The following CLSTN2 variants were observed in gnomAD, a reference collection of about 807,000 sequenced individuals.
CLSTN2 encodes calsyntenin-2.
CLSTN2 carries 48 observed loss-of-function variants against 101.2 expected under a neutral mutation model. That is an observed-to-expected ratio of 0.47 (90% CI 0.38 to 0.60). CLSTN2 has a LOEUF of 0.60. CLSTN2 is among the 20% of genes least tolerant of loss of function. The pLI is 0.00. For synonymous variants in CLSTN2, 481 were observed against 463.6 expected, an observed-to-expected ratio of 1.04 and a Z score of -0.48; for missense variants, 1,160 against 1,238.2, an observed-to-expected ratio of 0.94 and a Z score of 0.95.
At chr3:140,054,909 A>G (rs1238569208) in intron 1 of CLSTN2, among the ~76,000 whole-genome samples, 2 of 152,184 alleles carry the variant, frequency 1.3e-5, no homozygotes, top group African/African-American at 4.8e-5. Context: ...CATTTTGGTA[A>G]TGGGGACAAG....
chr3:140,305,105 ACT>A (rs978434906), intron 2 of CLSTN2, among the ~76,000 whole-genome samples: 2 of 148,788 alleles, frequency 1.3e-5, no homozygotes, highest in African/African-American at 2.5e-5. Flanking sequence ...CTATGGTGAT[ACT>A]CTCTCTCTTC....
intron 1 of CLSTN2, among the ~76,000 whole-genome samples, chr3:140,021,031 A>G (rs1158539592): frequency 6.6e-6 from 1 of 152,188 alleles, no homozygotes; most frequent in Non-Finnish European, 1.5e-5. Context: ...TTTATTTAGA[A>G]ACAAAACAAA....
At chr3:140,292,224 A>C (rs2086961247) in intron 2 of CLSTN2, among the ~76,000 whole-genome samples, 1 of 152,056 alleles carries the variant, frequency 6.6e-6, no homozygotes, top group African/African-American at 2.4e-5. Context: ...TTCCTCCAAC[A>C]GGCTGGATCC....
At chr3:139,970,705 T>C (rs917398882) in intron 1 of CLSTN2, among the ~76,000 whole-genome samples, 1 of 152,204 alleles carries the variant, frequency 6.6e-6, no homozygotes, top group South Asian at 2.1e-4. Context: ...CCACCTGAGA[T>C]TGCCTCCTGC....
intron 1 of CLSTN2, among the ~76,000 whole-genome samples, chr3:140,020,972 A>T (rs1033091420): frequency 6.6e-6 from 1 of 152,132 alleles, no homozygotes; most frequent in Admixed American, 6.5e-5. Context: ...ACTATAAATG[A>T]CTTAAAAACT....
chr3:140,114,737 A>G (rs1424080648), intron 1 of CLSTN2, among the ~76,000 whole-genome samples: 1 of 152,148 alleles, frequency 6.6e-6, no homozygotes, highest in Non-Finnish European at 1.5e-5. Context: ...TGTCTGACAC[A>G]CAGGGTTCTC....
At chr3:140,044,677 A>G (rs2007832967) in intron 1 of CLSTN2, among the ~76,000 whole-genome samples, 1 of 152,194 alleles carries the variant, frequency 6.6e-6, no homozygotes, top group South Asian at 2.1e-4. Context: ...TGTCATAAAT[A>G]GCTCTTATTA....
At chr3:140,415,806 T>A (rs771886749) in intron 4 of CLSTN2, among the ~76,000 whole-genome samples, 22 of 152,264 alleles carry the variant, frequency 1.4e-4, no homozygotes, top group Admixed American at 2.6e-4. Context: ...CCTCAAAAAA[T>A]TATGAATAGA....
At chr3:140,240,799 G>T (rs945548073) in intron 2 of CLSTN2, among the ~76,000 whole-genome samples, 1 of 152,138 alleles carries the variant, frequency 6.6e-6, no homozygotes, top group Non-Finnish European at 1.5e-5. Flanking sequence ...TTGGGTAAAA[G>T]GTGTTCTGCA....
At chr3:140,364,085 C>A (rs910711281) in intron 2 of CLSTN2, among the ~76,000 whole-genome samples, 37 of 152,174 alleles carry the variant, frequency 2.4e-4, no homozygotes, top group African/African-American at 8.7e-4. Flanking sequence ...TTCTAAGTCC[C>A]GATTCTAGAC....
At chr3:140,548,473 A>G (rs1294217612) in intron 10 of CLSTN2, among the ~76,000 whole-genome samples, 1 of 152,214 alleles carries the variant, frequency 6.6e-6, no homozygotes, top group Non-Finnish European at 1.5e-5. Context: ...CCAGAGATCC[A>G]GAACCTTGGA....
intron 1 of CLSTN2, among the ~76,000 whole-genome samples, chr3:140,112,717 A>G (rs1178903861): frequency 1.3e-5 from 2 of 152,160 alleles, no homozygotes; most frequent in Non-Finnish European, 2.9e-5. Flanking sequence ...CTGAGACTGC[A>G]CGTCTGACCT....
intron 2 of CLSTN2, among the ~76,000 whole-genome samples, chr3:140,336,568 T>TGG: frequency 6.6e-6 from 1 of 152,176 alleles, no homozygotes; most frequent in Non-Finnish European, 1.5e-5. Flanking sequence ...ACCCAGATTC[T>TGG]GGGGCTCCGT....
chr3:140,259,606 C>T (rs2086632875), intron 2 of CLSTN2, among the ~76,000 whole-genome samples: 1 of 152,094 alleles, frequency 6.6e-6, no homozygotes, highest in Non-Finnish European at 1.5e-5. Context: ...GAAAAGTTTT[C>T]CCTTGCCTCT....
intron 1 of CLSTN2, among the ~76,000 whole-genome samples, chr3:140,047,307 G>A (rs2007900595): frequency 6.6e-6 from 1 of 152,066 alleles, no homozygotes; most frequent in Admixed American, 6.5e-5. Context: ...TAGTAATATA[G>A]TGAGTACATT....
At chr3:140,148,306 G>A (rs932258548) in intron 1 of CLSTN2, among the ~76,000 whole-genome samples, 1 of 152,164 alleles carries the variant, frequency 6.6e-6, no homozygotes, top group Non-Finnish European at 1.5e-5. Context: ...AGAGATGGGG[G>A]TGGACCTCCC....
Position 140,381,229 on chromosome 3 carries a change from G to T in CLSTN2, c.233-22400G>T, listed in dbSNP as rs550338248. Among the ~76,000 whole-genome samples, 40 of 152,286 alleles carry T rather than the reference G, an allele frequency of 2.6e-4. No homozygotes were observed. In the South Asian group the frequency reaches 5.4e-3, roughly 21 times the overall value. On this transcript the variant is annotated intron_variant, in intron 2 of 16. Coordinates refer to ENST00000458420, the MANE Select transcript of CLSTN2 (RefSeq NM_022131.3). ...TTCACATCATCTTCCTAATGGTCATGTCTGTCTCTGTGTCCAAATTTCCCC... is the reference window on the plus strand; with the variant it reads ...TTCACATCATCTTCCTAATGGTCATTTCTGTCTCTGTGTCCAAATTTCCCC...
At chr3:140,246,874 G>C (rs2086522569) in intron 2 of CLSTN2, among the ~76,000 whole-genome samples, 2 of 152,026 alleles carry the variant, frequency 1.3e-5, no homozygotes, top group Admixed American at 1.3e-4. Context: ...GAAGGATATG[G>C]GCTATGAATT....
At chr3:140,261,160 G>T (rs1486009444) in intron 2 of CLSTN2, among the ~76,000 whole-genome samples, 1 of 151,126 alleles carries the variant, frequency 6.6e-6, no homozygotes, top group Non-Finnish European at 1.5e-5. Context: ...CTTCTTGGGG[G>T]TTATGCATTA....
Sources: allele counts gnomAD v4.1 joint callset (sites outside exome capture counted in the v4.1 genomes callset), GRCh38; gene constraint gnomAD v4.1.1; transcripts MANE v1.5; gene names NCBI Gene and HGNC (gene_info 2026-07-23, HGNC 2026-07-21).